The following EPB41L5 variants were observed in gnomAD, a reference collection of about 807,000 sequenced individuals.
The protein encoded by EPB41L5 is erythrocyte membrane protein band 4.1 like 5.
A neutral mutation model predicts 106.6 loss-of-function variants in EPB41L5; 55 were observed. The ratio of observed to expected loss-of-function variants is 0.52; its 90% CI spans 0.42 to 0.65. The LOEUF is 0.65. Ranked by LOEUF, EPB41L5 falls within the 30% of genes least tolerant of loss-of-function variation. The pLI, the probability that EPB41L5 is intolerant of heterozygous loss-of-function variation, is 0.00. For synonymous variants in EPB41L5, 297 were observed against 306.7 expected, an observed-to-expected ratio of 0.97 and a Z score of 0.33; for missense variants, 871 against 882.1, an observed-to-expected ratio of 0.99 and a Z score of 0.16.
At chr2:120,110,718 T>C (rs953958747) in intron 16 of EPB41L5, among the ~76,000 whole-genome samples, 1 of 148,628 alleles carries the variant, frequency 6.7e-6, no homozygotes, top group African/African-American at 2.5e-5. Flanking sequence ...TACTGCAGCC[T>C]CCGCCTCCTG....
At chr2:120,078,877 G>A (rs1682435577) in intron 10 of EPB41L5, among the ~76,000 whole-genome samples, 1 of 152,002 alleles carries the variant, frequency 6.6e-6, no homozygotes, top group Non-Finnish European at 1.5e-5. Flanking sequence ...CTCCCTCCAT[G>A]TAGTCATGTC....
Position 120,175,173 on chromosome 2 carries a change from T to G in EPB41L5, c.*266T>G. ...TTACAAATTCCCGAAAGAAGGGAAT[T>G]TCTTTTTCTGGGGTTTCCTTCAAAC... On this transcript the variant is annotated 3_prime_UTR_variant, in exon 25 of 25. Transcript: ENST00000263713. 2 of 433,186 alleles carry G rather than the reference T, an allele frequency of 4.6e-6. No individual in the cohort carries two copies. Among genetic ancestry groups the G allele is most frequent in the Non-Finnish European group, 4.3e-6 (1 of 234,010 alleles). 26.8% of individuals were successfully genotyped at this position (433,186 alleles called of 1,614,324 possible). A position where few individuals can be genotyped will look rare whatever the true frequency, so the allele number is the denominator to read the frequency against.
intron 10 of EPB41L5, among the ~76,000 whole-genome samples, chr2:120,081,482 A>G (rs1314219247): frequency 6.6e-6 from 1 of 152,204 alleles, no homozygotes; most frequent in African/African-American, 2.4e-5. Context: ...CTGTTTTGGT[A>G]CCAGTACCAT....
chr2:120,051,944 A>T (rs1397620013), intron 3 of EPB41L5, among the ~76,000 whole-genome samples: 1 of 152,050 alleles, frequency 6.6e-6, no homozygotes, highest in African/African-American at 2.4e-5. Context: ...CTTCTGCTTC[A>T]GCCTCCTGAG....
chr2:120,025,517 T>C (rs1678244388), intron 2 of EPB41L5, among the ~76,000 whole-genome samples: 1 of 152,246 alleles, frequency 6.6e-6, no homozygotes, highest in South Asian at 2.1e-4. Flanking sequence ...TGCCAGTCTG[T>C]GTCTTGTAAT....
rs1291527680 is a variant in EPB41L5, at chr2:120,146,274, A to T, written c.1778A>T (p.Asp593Val). 1.9e-6 allele frequency: 3 copies of T among 1,609,910 alleles called. No homozygotes were observed. Among genetic ancestry groups the T allele is most frequent in the Non-Finnish European group, 1.7e-6 (2 of 1,176,470 alleles). Residue 593 changes from aspartate (D) to valine (V), a missense_variant, in exon 20 of 25, where the codon GAT becomes GTT. By Grantham distance (152) the Asp-to-Val change is radical. Transcript: ENST00000263713. The part of the protein sequence containing the change: ...LLSHKNANVQ[D>V]AATNSAVLNE... ...AGTCATAAAAATGCCAATGTTCAGG[A>T]TGCTGCCACAAACAGGTACAGTTCT...
At position 120,049,735 on chromosome 2, in the gene EPB41L5, G is replaced by A; in HGVS notation, c.285+7625G>A. 1.3e-5 allele frequency among the ~76,000 whole-genome samples: 2 copies of A among 152,170 alleles called. 1 individual carries two copies. The highest frequency in any genetic ancestry group is 3.8e-4 in the East Asian group (2 of 5,200). ...TGTTAGCTGGTTATTTTGCTCGTTA[G>A]TTGATGCAGTTTCTTCCTAGCATCG... is the stretch of plus-strand genomic sequence containing the variant. On this transcript the variant is annotated intron_variant, in intron 3 of 24. Coordinates refer to ENST00000263713, the MANE Select transcript of EPB41L5 (RefSeq NM_020909.4).
At chr2:120,114,981 TTGA>T (rs913294858) in intron 16 of EPB41L5, among the ~76,000 whole-genome samples, 5 of 152,264 alleles carry the variant, frequency 3.3e-5, no homozygotes, top group African/African-American at 9.6e-5. Context: ...TAATATTTTC[TTGA>T]TGATTTTCCT....
intron 16 of EPB41L5, among the ~76,000 whole-genome samples, chr2:120,115,355 T>G (rs1684899339): frequency 6.6e-6 from 1 of 152,190 alleles, no homozygotes; most frequent in African/African-American, 2.4e-5. Context: ...TTGTGTTAAG[T>G]AGATATGTTC....
At chr2:120,050,371 C>CT (rs1419478295) in intron 3 of EPB41L5, among the ~76,000 whole-genome samples, 7 of 152,072 alleles carry the variant, frequency 4.6e-5, no homozygotes, top group Non-Finnish European at 8.8e-5. Flanking sequence ...TTCTTTTTAT[C>CT]TTTTTTCTCT....
At chr2:120,153,930 T>A (rs919871011) in intron 20 of EPB41L5, among the ~76,000 whole-genome samples, 5 of 152,144 alleles carry the variant, frequency 3.3e-5, no homozygotes, top group Non-Finnish European at 7.4e-5. Flanking sequence ...TGGATCATTT[T>A]AAAAAATTCT....
chr2:120,109,114 A>T (rs1684605911), intron 16 of EPB41L5, among the ~76,000 whole-genome samples: 1 of 152,176 alleles, frequency 6.6e-6, no homozygotes, highest in African/African-American at 2.4e-5. Context: ...ACTTATCATT[A>T]TGCCTTTCCA....
intron 16 of EPB41L5, chr2:120,106,534 A>G: frequency 1.0e-6 from 1 of 985,396 alleles, no homozygotes; most frequent in South Asian, 4.7e-5. Context: ...AGAAGTAATA[A>G]CCTCCAGAAG....
intron 5 of EPB41L5, 52 bp downstream of exon 5, chr2:120,074,230 A>G (rs1478296874): frequency 1.0e-5 from 14 of 1,394,516 alleles, no homozygotes; most frequent in Admixed American, 1.9e-5. Flanking sequence ...GTTTTGAAAG[A>G]CTGTCTTTAT....
chr2:120,048,840 G>T (rs7569734), intron 3 of EPB41L5, among the ~76,000 whole-genome samples: 104,572 of 151,976 alleles, frequency 0.69, 37,526 homozygotes, highest in Non-Finnish European at 0.79. Flanking sequence ...GCTTTAAATG[G>T]GTCCCAGAGA....
chr2:120,051,006 C>T (rs946555632), intron 3 of EPB41L5, among the ~76,000 whole-genome samples: 5 of 152,176 alleles, frequency 3.3e-5, no homozygotes, highest in African/African-American at 1.2e-4. Flanking sequence ...GCTGCCTGAT[C>T]GTTCCTCTGG....
At chr2:120,089,388 A>C (rs765508772) in intron 11 of EPB41L5, among the ~76,000 whole-genome samples, 18 of 152,066 alleles carry the variant, frequency 1.2e-4, no homozygotes, top group Non-Finnish European at 2.2e-4. Flanking sequence ...ATTCTCATAT[A>C]TATTTTGTAA....
In EPB41L5 at chr2:120,015,493, G is replaced by A. The variant is rs543085346; in HGVS notation, c.-9+2283G>A. Among the ~76,000 whole-genome samples the A allele has an allele frequency of 2.6e-5, 4 of 152,170 alleles. No individual in the cohort carries two copies. The East Asian group carries it at 7.7e-4, about 29-fold the overall frequency. ...CTTCTGACATGCCCCTCTTCAGAGA[G>A]AATCTCAACAGTTTACGTGTGTGTC... On this transcript the variant is annotated intron_variant, in intron 1 of 24. Coordinates refer to ENST00000263713, the MANE Select transcript of EPB41L5 (RefSeq NM_020909.4).
At chr2:120,145,278 G>A (rs1686346470) in intron 19 of EPB41L5, among the ~76,000 whole-genome samples, 1 of 152,194 alleles carries the variant, frequency 6.6e-6, no homozygotes, top group Non-Finnish European at 1.5e-5. Context: ...GTTAGTACAT[G>A]AATGTTCCTA....
Sources: gnomAD v4.1 joint callset for allele counts (sites outside exome capture counted in the v4.1 genomes callset) on GRCh38, gnomAD v4.1.1 for gene constraint, MANE v1.5 for transcripts, NCBI Gene and HGNC (gene_info 2026-07-23, HGNC 2026-07-21) for gene names.